The following ZNF366 variants were observed in gnomAD, a reference collection of about 807,000 sequenced individuals.
The protein encoded by ZNF366 is dendritic cell-specific transcript protein.
A neutral mutation model predicts 47.2 loss-of-function variants in ZNF366; 20 were observed. The observed-to-expected ratio is 0.42, with a 90% CI of 0.30 to 0.62. The LOEUF is 0.62. ZNF366 is among the 20% of genes least tolerant of loss of function. ZNF366 has a pLI of 0.16. For synonymous variants in ZNF366, 421 were observed against 395.1 expected (o/e 1.07, Z -0.78); for missense variants, 987 against 976.3 (o/e 1.01, Z -0.15).
chr5:72,483,219 C>G (rs1743822975), intron 1 of ZNF366, among the ~76,000 whole-genome samples: 3 of 152,172 alleles, frequency 2.0e-5, no homozygotes, highest in Admixed American at 6.5e-5. Flanking sequence ...TACCATTCAG[C>G]CCCTCACAAT....
chr5:72,448,654 C>T (rs1438898856), intron 3 of ZNF366, among the ~76,000 whole-genome samples: 1 of 152,170 alleles, frequency 6.6e-6, no homozygotes, highest in Non-Finnish European at 1.5e-5. Flanking sequence ...CAGGGTGAGG[C>T]ATCCTCTGAG....
chr5:72,504,466 T>C (rs1222151631), intron 1 of ZNF366, among the ~76,000 whole-genome samples: 30 of 152,232 alleles, frequency 2.0e-4, no homozygotes, highest in South Asian at 1.7e-3. Context: ...TTCCCCTGCA[T>C]TGAGCTGTGT....
chr5:72,495,616 T>C (rs1744097706), intron 1 of ZNF366, among the ~76,000 whole-genome samples: 2 of 152,154 alleles, frequency 1.3e-5, no homozygotes, highest in African/African-American at 4.8e-5. Flanking sequence ...TGGTTGTGAT[T>C]TTATATGTGG....
At chr5:72,472,186 A>G (rs1743580590) in intron 1 of ZNF366, among the ~76,000 whole-genome samples, 1 of 152,144 alleles carries the variant, frequency 6.6e-6, no homozygotes, top group Non-Finnish European at 1.5e-5. Flanking sequence ...GGTTCAAGGA[A>G]CTCACCATCT....
At chr5:72,505,625 C>A (rs1258218650) in intron 1 of ZNF366, among the ~76,000 whole-genome samples, 1 of 152,176 alleles carries the variant, frequency 6.6e-6, no homozygotes, top group African/African-American at 2.4e-5. Flanking sequence ...AGAATGTGTT[C>A]TGTGATGTTG....
intron 3 of ZNF366, among the ~76,000 whole-genome samples, chr5:72,450,879 G>A (rs1467280255): frequency 1.3e-5 from 2 of 152,238 alleles, no homozygotes; most frequent in African/African-American, 2.4e-5. Flanking sequence ...AGAGGCCAGA[G>A]AAAGAGGATG....
intron 1 of ZNF366, among the ~76,000 whole-genome samples, chr5:72,464,669 C>T (rs530301653): frequency 6.6e-6 from 1 of 152,236 alleles, no homozygotes; most frequent in African/African-American, 2.4e-5. Context: ...ATATTAATTT[C>T]CCCCAGTTTC....
At chr5:72,488,620 T>C (rs1382240252) in intron 1 of ZNF366, among the ~76,000 whole-genome samples, 1 of 152,222 alleles carries the variant, frequency 6.6e-6, no homozygotes, top group Non-Finnish European at 1.5e-5. Context: ...GAAGGAGAAT[T>C]GAAGTGGGTA....
intron 1 of ZNF366, among the ~76,000 whole-genome samples, chr5:72,470,898 T>A (rs1462136595): frequency 6.6e-6 from 1 of 152,238 alleles, no homozygotes; most frequent in Admixed American, 6.5e-5. Flanking sequence ...CCTTGGCCAA[T>A]GAGTGGCATG....
chr5:72,473,658 C>A (rs1450452567), intron 1 of ZNF366, among the ~76,000 whole-genome samples: 1 of 152,206 alleles, frequency 6.6e-6, no homozygotes, highest in East Asian at 1.9e-4. Flanking sequence ...TCAGCTTCTT[C>A]CCGGAAACCT....
chr5:72,471,217 G>A (rs997087696), intron 1 of ZNF366, among the ~76,000 whole-genome samples: 2 of 152,120 alleles, frequency 1.3e-5, no homozygotes, highest in African/African-American at 4.8e-5. Flanking sequence ...ACTGTTCACT[G>A]TTTCTTTTTA....
chr5:72,496,634 T>G (rs1251029987), intron 1 of ZNF366, among the ~76,000 whole-genome samples: 1 of 152,314 alleles, frequency 6.6e-6, no homozygotes, highest in Middle Eastern at 3.4e-3. Flanking sequence ...TGATTTCAGT[T>G]TTTGAGAGTA....
intron 1 of ZNF366, among the ~76,000 whole-genome samples, chr5:72,478,534 A>C (rs1257418399): frequency 1.3e-5 from 2 of 152,168 alleles, no homozygotes; most frequent in Non-Finnish European, 2.9e-5. Flanking sequence ...ATTAGTCCAC[A>C]CTGCTCCTTT....
chr5:72,488,634 C>T (rs772546165), intron 1 of ZNF366, among the ~76,000 whole-genome samples: 11 of 152,144 alleles, frequency 7.2e-5, no homozygotes, highest in Non-Finnish European at 1.3e-4. Context: ...GTGGGTAAAA[C>T]GAAATAATAG....
rs375750222 is a variant in ZNF366 at position 72,447,193 on chromosome 5, A to G, written c.1699+50T>C. 14 of 1,600,242 alleles carry G rather than the reference A, an allele frequency of 8.7e-6. No homozygotes were observed. The African/African-American group carries it at 1.5e-4, about 17-fold the overall frequency. On this transcript the variant is annotated intron_variant, in intron 4 of 4. Transcript: ENST00000318442. ...GCCCCATAAAACGAATTCAGCTCCC[A>G]TTTGTTGTCCACTGGACTGACTTGC...
intron 1 of ZNF366, among the ~76,000 whole-genome samples, chr5:72,484,754 A>G (rs931471480): frequency 6.6e-6 from 1 of 152,184 alleles, no homozygotes; most frequent in Non-Finnish European, 1.5e-5. Context: ...TTAAGACTGA[A>G]AGGGTAAGTA....
chr5:72,463,244 G>C (rs1423952012), intron 1 of ZNF366, among the ~76,000 whole-genome samples: 2 of 152,130 alleles, frequency 1.3e-5, no homozygotes, highest in Non-Finnish European at 2.9e-5. Flanking sequence ...TGTCTTTTTG[G>C]GAGGCTTGAG....
chr5:72,484,277 G>A (rs1282953533), intron 1 of ZNF366, among the ~76,000 whole-genome samples: 4 of 151,814 alleles, frequency 2.6e-5, no homozygotes, highest in East Asian at 1.9e-4. Context: ...GAGGTCAGGA[G>A]ATCGAGACCA....
chr5:72,484,411 G>A (rs1191948441), intron 1 of ZNF366, among the ~76,000 whole-genome samples: 1 of 148,866 alleles, frequency 6.7e-6, no homozygotes, highest in African/African-American at 2.5e-5. Context: ...GTGAACCCGG[G>A]AGGCGGAGCT....
Sources: gnomAD v4.1 joint callset for allele counts (sites outside exome capture counted in the v4.1 genomes callset) on GRCh38, gnomAD v4.1.1 for gene constraint, MANE v1.5 for transcripts, NCBI Gene and HGNC (gene_info 2026-07-23, HGNC 2026-07-21) for gene names.